Variants in SLC25A13 observed in about 807,000 individuals in gnomAD.
The protein encoded by SLC25A13 is electrogenic aspartate/glutamate antiporter SLC25A13, mitochondrial.
A neutral mutation model predicts 85.5 loss-of-function variants in SLC25A13; 70 were observed. The observed-to-expected ratio is 0.82, with a 90% CI of 0.68 to 1.00. SLC25A13 has a LOEUF of 1.00. SLC25A13 is among the 50% of genes least tolerant of loss of function. SLC25A13 has a pLI of 0.00. For synonymous variants in SLC25A13, 259 were observed against 288.7 expected (o/e 0.90, Z 1.04); for missense variants, 765 against 819.8 (o/e 0.93, Z 0.82).
chr7:96,132,016 C>A (rs1792055513), intron 14 of SLC25A13, 135 bp from the exon 15 acceptor site: 5 of 1,140,748 alleles, frequency 4.4e-6, no homozygotes, highest in Admixed American at 4.2e-5. Context: ...GAAAGGGGAA[C>A]AGAAAAAAAT....
chr7:96,286,658 C>CTT (rs1373011194), intron 2 of SLC25A13, among the ~76,000 whole-genome samples: 2 of 152,172 alleles, frequency 1.3e-5, no homozygotes, highest in African/African-American at 4.8e-5. Flanking sequence ...TACACTTACA[C>CTT]ACAGTTCTCA....
chr7:96,239,175 A>C (rs1796869043), intron 3 of SLC25A13, among the ~76,000 whole-genome samples: 1 of 149,220 alleles, frequency 6.7e-6, no homozygotes. Context: ...ACCAAAAGGT[A>C]TGTAATTTGG....
chr7:96,229,335 G>A (rs1223447186), intron 4 of SLC25A13, among the ~76,000 whole-genome samples: 1 of 152,180 alleles, frequency 6.6e-6, no homozygotes, highest in Admixed American at 6.5e-5. Context: ...CTAGCTCAGG[G>A]ATTGTAAATG....
intron 11 of SLC25A13, among the ~76,000 whole-genome samples, chr7:96,181,046 G>T (rs1202499659): frequency 6.6e-6 from 1 of 152,134 alleles, no homozygotes; most frequent in Non-Finnish European, 1.5e-5. Context: ...TGGCCTGGGG[G>T]TTGGATTTTC....
chr7:96,281,323 A>C lies in SLC25A13; in HGVS notation c.70-3985T>G, dbSNP rs182945260. On this transcript the variant is annotated intron_variant, in intron 2 of 17. Transcript: ENST00000265631. ...GGAGAATCGCTTGAACCCGGGAGGC[A>C]GAAGTTGCAGTGAGCTGAGACCGCC... 2.9e-3 allele frequency among the ~76,000 whole-genome samples: 437 copies of C among 151,188 alleles called. 1 individual carries two copies. The highest frequency in any genetic ancestry group is 9.8e-3 in the African/African-American group (405 of 41,198).
intron 11 of SLC25A13, among the ~76,000 whole-genome samples, chr7:96,178,202 C>T (rs73710205): frequency 0.011 from 1,734 of 152,220 alleles, 34 homozygotes; most frequent in African/African-American, 0.04. Flanking sequence ...GGGAAGAAGG[C>T]GCAGGGTCAG....
At position 96,184,519 on chromosome 7, in the gene SLC25A13, C is replaced by T. The variant is rs6962870; in HGVS notation, c.1019-84G>A. The stretch of plus-strand genomic sequence containing the variant: ...AAGGTAGTTAAAGTCAAGGACAAGA[C>T]TGAGAAAAGAAATGTGTTTTGAATT... On this transcript the variant is annotated intron_variant, in intron 10 of 17. Coordinates refer to ENST00000265631, the MANE Select transcript of SLC25A13 (RefSeq NM_014251.3). 475,243 of 1,293,326 alleles carry T rather than the reference C, an allele frequency of 0.37. 91,204 individuals are homozygous for T. The highest frequency in any genetic ancestry group is 0.57 in the East Asian group (23,300 of 40,768). 80.1% of individuals were successfully genotyped at this position (1,293,326 alleles called of 1,614,324 possible).
intron 1 of SLC25A13, among the ~76,000 whole-genome samples, chr7:96,321,393 A>C (rs994539646): frequency 3.3e-5 from 5 of 152,274 alleles, no homozygotes; most frequent in African/African-American, 1.2e-4. Flanking sequence ...GAGTCCCTGG[A>C]CTTTTTATTC....
chr7:96,150,622 CAACTGGTTTGTTACAAGAAGAGAA>C (rs1792997973), intron 13 of SLC25A13, among the ~76,000 whole-genome samples: 1 of 151,836 alleles, frequency 6.6e-6, no homozygotes, highest in Non-Finnish European at 1.5e-5. Flanking sequence ...TAATCCCATC[CAACTGGTTTGTTACAAGAAGAGAA>C]AACTGAGACA....
intron 13 of SLC25A13, among the ~76,000 whole-genome samples, chr7:96,162,520 C>T (rs549667324): frequency 7.9e-5 from 12 of 152,024 alleles, no homozygotes; most frequent in South Asian, 6.2e-4. Context: ...TATGGCCTGG[C>T]GCACAAAGAT....
intron 5 of SLC25A13, among the ~76,000 whole-genome samples, chr7:96,199,456 T>G (rs189758146): frequency 1.2e-3 from 184 of 152,264 alleles, no homozygotes; most frequent in African/African-American, 4.2e-3. Flanking sequence ...GAAAATGAAG[T>G]GTCTCTCTAA....
chr7:96,188,763 T>C (rs6976359), intron 9 of SLC25A13, among the ~76,000 whole-genome samples: 151,153 of 152,382 alleles, frequency 0.99, 74,983 homozygotes, highest in Middle Eastern at 1. Flanking sequence ...ATTGTTTCCA[T>C]ATAACTTATG....
At chr7:96,299,531 C>T (rs1799478078) in intron 1 of SLC25A13, among the ~76,000 whole-genome samples, 1 of 152,178 alleles carries the variant, frequency 6.6e-6, no homozygotes, top group Non-Finnish European at 1.5e-5. Flanking sequence ...GATTAAGTGC[C>T]AATCTGTGCT....
chr7:96,276,877 C>T (rs1050199950), intron 3 of SLC25A13, among the ~76,000 whole-genome samples: 8 of 152,142 alleles, frequency 5.3e-5, no homozygotes, highest in Admixed American at 4.6e-4. Context: ...CACAATTTTA[C>T]AGCTGCCTTG....
chr7:96,245,339 C>G (rs189936717), intron 3 of SLC25A13, among the ~76,000 whole-genome samples: 111 of 152,166 alleles, frequency 7.3e-4, no homozygotes, highest in African/African-American at 2.6e-3. Context: ...GTCCTTGCCA[C>G]CTCCCTCAAC....
At chr7:96,202,867 C>T (rs1230350115) in intron 5 of SLC25A13, among the ~76,000 whole-genome samples, 1 of 152,156 alleles carries the variant, frequency 6.6e-6, no homozygotes, top group African/African-American at 2.4e-5. Context: ...AAGGCTAAAA[C>T]CCAAGAGTCA....
chr7:96,134,793 TTA>T (rs10522412), intron 14 of SLC25A13, among the ~76,000 whole-genome samples: 175 of 101,916 alleles, frequency 1.7e-3, no homozygotes, highest in South Asian at 4.7e-3. Flanking sequence ...ACAAACAATT[TTA>T]TATATATATA....
chr7:96,271,811 G>A (rs1433125576), intron 3 of SLC25A13, among the ~76,000 whole-genome samples: 1 of 151,976 alleles, frequency 6.6e-6, no homozygotes, highest in Non-Finnish European at 1.5e-5. Flanking sequence ...TCTATTAATG[G>A]GAAGGGGGAT....
At chr7:96,317,147 A>C (rs1015072742) in intron 1 of SLC25A13, among the ~76,000 whole-genome samples, 3 of 151,846 alleles carry the variant, frequency 2.0e-5, no homozygotes, top group Non-Finnish European at 4.4e-5. Context: ...ATTGTTTCCT[A>C]TTTTTAGTAG....
Sources: gnomAD v4.1 joint callset for allele counts (sites outside exome capture counted in the v4.1 genomes callset) on GRCh38, gnomAD v4.1.1 for gene constraint, MANE v1.5 for transcripts, NCBI Gene and HGNC (gene_info 2026-07-23, HGNC 2026-07-21) for gene names.